Variants in SLC9A9 observed in about 807,000 individuals in gnomAD.
SLC9A9 encodes the protein sodium/hydrogen exchanger 9.
In SLC9A9, 62 loss-of-function variants were observed where a neutral mutation model predicts 77.8. The ratio of observed to expected loss-of-function variants is 0.80; its 90% confidence interval spans 0.65 to 0.98. SLC9A9 has a LOEUF of 0.98. SLC9A9 is among the 50% of genes least tolerant of loss of function. The probability of loss-of-function intolerance (pLI) is 0.00; values close to 1 mark genes in which losing one functional copy is unlikely to be tolerated. For missense variants in SLC9A9, 775 were observed against 774.9 expected (o/e 1.00, Z 0.00); for synonymous variants, 320 against 283.5 (o/e 1.13, Z -1.29).
rs140382361 is a variant in SLC9A9 at position 143,558,935 on chromosome 3, C to T, written c.1001-6485G>A. Among the ~76,000 whole-genome samples, 471 of 152,190 alleles carry T rather than the reference C, an allele frequency of 3.1e-3. 2 individuals are homozygous for T. Among genetic ancestry groups the T allele is most frequent in the African/African-American group, 9.7e-3 (401 of 41,520 alleles). On this transcript the variant is annotated intron_variant, in intron 8 of 15. Coordinates refer to ENST00000316549, the MANE Select transcript of SLC9A9 (RefSeq NM_173653.4). Reference sequence around the variant, plus strand: ...CTTGACTTATAGTTCCCATAATCCCCATGTGTCATGGGAGGGTCCTGGTGG... The same window carrying T: ...CTTGACTTATAGTTCCCATAATCCCTATGTGTCATGGGAGGGTCCTGGTGG...
chr3:143,570,942 T>G (rs893582271), intron 8 of SLC9A9, among the ~76,000 whole-genome samples: 4 of 152,154 alleles, frequency 2.6e-5, no homozygotes, highest in Non-Finnish European at 5.9e-5. Flanking sequence ...TTACCTTGGG[T>G]GTACGAAAAA....
In SLC9A9 at chr3:143,832,028, T is replaced by G; in HGVS notation, c.369A>C (p.Ile123=). 1 of 1,611,212 alleles carries G rather than the reference T, an allele frequency of 6.2e-7. No homozygotes were observed. Among genetic ancestry groups the G allele is most frequent in the Non-Finnish European group, 8.5e-7 (1 of 1,178,178 alleles). ...CAGACAGGATCCTTACCTTTTCAAG[T>G]ATAGCATTTCCTTGATGAGGATTGA... ...HNINPHQGNA[I]LEKMTFDPEI... is the part of the protein sequence containing the mutation. Residue 123 remains isoleucine (I), a synonymous_variant, in exon 2 of 16, where the codon ATA becomes ATC. Coordinates refer to ENST00000316549, the MANE Select transcript of SLC9A9 (RefSeq NM_173653.4).
At chr3:143,543,336 A>G (rs891955090) in intron 9 of SLC9A9, among the ~76,000 whole-genome samples, 1 of 150,432 alleles carries the variant, frequency 6.6e-6, no homozygotes, top group African/African-American at 2.4e-5. Context: ...GCAACCTGGG[A>G]CCTAGTCACA....
intron 4 of SLC9A9, among the ~76,000 whole-genome samples, chr3:143,776,918 T>A (rs189128677): frequency 6.6e-6 from 1 of 152,330 alleles, no homozygotes; most frequent in Admixed American, 6.5e-5. Flanking sequence ...CACAACAATT[T>A]CATGAATTCA....
intron 4 of SLC9A9, among the ~76,000 whole-genome samples, chr3:143,741,363 G>T (rs550884705): frequency 1.3e-5 from 2 of 151,866 alleles, no homozygotes; most frequent in South Asian, 4.2e-4. Flanking sequence ...TAAAATACCT[G>T]GAGCAACAAA....
intron 14 of SLC9A9, among the ~76,000 whole-genome samples, chr3:143,278,252 T>C (rs1938112862): frequency 6.6e-6 from 1 of 152,166 alleles, no homozygotes; most frequent in South Asian, 2.1e-4. Flanking sequence ...CTTCAGTGCT[T>C]ACACGGGGAG....
intron 2 of SLC9A9, among the ~76,000 whole-genome samples, chr3:143,810,761 C>T (rs2008843426): frequency 6.6e-6 from 1 of 152,098 alleles, no homozygotes; most frequent in Admixed American, 6.5e-5. Flanking sequence ...TAATCATCTT[C>T]AATGCTTTAT....
chr3:143,640,093 C>T (rs1208262575), intron 6 of SLC9A9, among the ~76,000 whole-genome samples: 1 of 147,418 alleles, frequency 6.8e-6, no homozygotes, highest in Non-Finnish European at 1.5e-5. Flanking sequence ...GCAATCTTGG[C>T]TCACTGCAAG....
intron 12 of SLC9A9, among the ~76,000 whole-genome samples, chr3:143,418,279 A>G (rs1473260210): frequency 2.0e-5 from 3 of 151,596 alleles, no homozygotes; most frequent in Non-Finnish European, 4.4e-5. Flanking sequence ...TAGTTTTCTT[A>G]TTTGTAATGT....
chr3:143,801,686 C>A (rs2008564555), intron 2 of SLC9A9, among the ~76,000 whole-genome samples: 2 of 152,174 alleles, frequency 1.3e-5, no homozygotes, highest in Admixed American at 1.3e-4. Flanking sequence ...CACTCACCAG[C>A]AAAGGCAGGC....
At chr3:143,456,251 A>C (rs917362828) in intron 12 of SLC9A9, among the ~76,000 whole-genome samples, 6 of 152,186 alleles carry the variant, frequency 3.9e-5, no homozygotes, top group African/African-American at 4.8e-5. Flanking sequence ...GATCAGTCCC[A>C]CTTAATTGTA....
At chr3:143,697,498 T>C (rs1933674804) in intron 4 of SLC9A9, among the ~76,000 whole-genome samples, 1 of 149,660 alleles carries the variant, frequency 6.7e-6, no homozygotes, top group Non-Finnish European at 1.5e-5. Flanking sequence ...CTATGAGCTA[T>C]GTTCTATAAT....
intron 14 of SLC9A9, among the ~76,000 whole-genome samples, chr3:143,282,302 G>T (rs1042480623): frequency 2.0e-5 from 3 of 152,096 alleles, no homozygotes; most frequent in Non-Finnish European, 4.4e-5. Flanking sequence ...ATTTACTAAG[G>T]TTGACCTGGA....
intron 13 of SLC9A9, among the ~76,000 whole-genome samples, chr3:143,378,620 T>C (rs1324214079): frequency 2.0e-5 from 3 of 152,156 alleles, no homozygotes; most frequent in African/African-American, 4.8e-5. Context: ...TGAAGGCAAG[T>C]GTGGTGCTCC....
chr3:143,454,405 T>C (rs1435908574), intron 12 of SLC9A9, among the ~76,000 whole-genome samples: 1 of 152,216 alleles, frequency 6.6e-6, no homozygotes, highest in Non-Finnish European at 1.5e-5. Flanking sequence ...CTTTGCCTAA[T>C]TCAAAGTCAT....
At chr3:143,542,850 A>C (rs1323282035) in intron 9 of SLC9A9, among the ~76,000 whole-genome samples, 2 of 152,220 alleles carry the variant, frequency 1.3e-5, no homozygotes, top group East Asian at 3.8e-4. Flanking sequence ...AAATTTCCAT[A>C]AACTTTTCAT....
intron 11 of SLC9A9, among the ~76,000 whole-genome samples, chr3:143,485,164 C>CG (rs1263553851): frequency 6.6e-6 from 1 of 152,068 alleles, no homozygotes; most frequent in African/African-American, 2.4e-5. Flanking sequence ...TTGCAGGAGC[C>CG]GGGGTGAGCA....
chr3:143,834,398 G>A (rs1441819213), intron 1 of SLC9A9, among the ~76,000 whole-genome samples: 3 of 151,982 alleles, frequency 2.0e-5, no homozygotes, highest in Admixed American at 1.3e-4. Flanking sequence ...TTCAACACAC[G>A]TTGCTTAGAA....
chr3:143,597,468 TC>T (rs1480288780), intron 6 of SLC9A9, among the ~76,000 whole-genome samples: 1 of 152,182 alleles, frequency 6.6e-6, no homozygotes, highest in African/African-American at 2.4e-5. Flanking sequence ...AGAACTGGCC[TC>T]GCAACCTTGC....
Sources: allele counts gnomAD v4.1 joint callset (sites outside exome capture counted in the v4.1 genomes callset), GRCh38; gene constraint gnomAD v4.1.1; transcripts MANE v1.5; gene names NCBI Gene and HGNC (gene_info 2026-07-23, HGNC 2026-07-21).